The following SAMD12 variants were observed in gnomAD, a reference collection of about 807,000 sequenced individuals.
The protein encoded by SAMD12 is sterile alpha motif domain-containing protein 12.
Under a neutral mutation model 15.0 loss-of-function variants are expected in SAMD12, and 9 were observed. The observed-to-expected ratio is 0.60, with a 90% CI of 0.36 to 1.05. SAMD12 has a LOEUF of 1.05. SAMD12 is among the 50% of genes least tolerant of loss of function. The probability of loss-of-function intolerance (pLI) is 0.01; values close to 1 mark genes in which losing one functional copy is unlikely to be tolerated. For synonymous variants in SAMD12, 86 were observed against 90.1 expected (o/e 0.96, Z 0.25); for missense variants, 230 against 234.2 (o/e 0.98, Z 0.12).
At chr8:118,419,890 C>T (rs1188872351) in intron 3 of SAMD12, among the ~76,000 whole-genome samples, 2 of 152,152 alleles carry the variant, frequency 1.3e-5, no homozygotes, top group African/African-American at 4.8e-5. Flanking sequence ...CTAATGTCCT[C>T]CTGTCTATGT....
chr8:118,480,412 A>G (rs60663612), intron 2 of SAMD12, among the ~76,000 whole-genome samples: 4,879 of 152,338 alleles, frequency 0.032, 207 homozygotes, highest in African/African-American at 0.097. Flanking sequence ...CAAATATTGT[A>G]GTGTAAGTTG....
At chr8:118,572,539 G>T (rs1052919641) in intron 2 of SAMD12, among the ~76,000 whole-genome samples, 1 of 152,070 alleles carries the variant, frequency 6.6e-6, no homozygotes, top group Admixed American at 6.6e-5. Flanking sequence ...TGAATCATGG[G>T]GGCAAATCTT....
chr8:118,443,477 C>CA (rs5894434), intron 2 of SAMD12, among the ~76,000 whole-genome samples: 4,161 of 144,322 alleles, frequency 0.029, 171 homozygotes, highest in African/African-American at 0.098. Flanking sequence ...AACACTGTCT[C>CA]AAAAAAAAAA....
intron 4 of SAMD12, among the ~76,000 whole-genome samples, chr8:118,253,356 T>A (rs1812862002): frequency 6.6e-6 from 1 of 152,200 alleles, no homozygotes; most frequent in Non-Finnish European, 1.5e-5. Flanking sequence ...ATAGGGGCAA[T>A]ACATATTCTA....
At chr8:118,435,095 T>C (rs1563858417) in intron 3 of SAMD12, among the ~76,000 whole-genome samples, 1 of 141,552 alleles carries the variant, frequency 7.1e-6, no homozygotes. Context: ...AGAGTGAGAC[T>C]CCATCTCAAA....
the SAMD12 span, among the ~76,000 whole-genome samples, chr8:118,143,123 G>A: frequency 1.3e-5 from 2 of 152,104 alleles, no homozygotes; most frequent in Non-Finnish European, 2.9e-5. Context: ...TGACTTCTGA[G>A]TTGTGATTTC....
intron 3 of SAMD12, among the ~76,000 whole-genome samples, chr8:118,395,752 A>G (rs1433419975): frequency 1.3e-5 from 2 of 152,026 alleles, no homozygotes; most frequent in African/African-American, 4.8e-5. Flanking sequence ...AGGTCTGGAG[A>G]TTGAGACCAT....
chr8:118,200,824 T>C (rs1489816755), intron 4 of SAMD12, among the ~76,000 whole-genome samples: 1 of 152,174 alleles, frequency 6.6e-6, no homozygotes, highest in Non-Finnish European at 1.5e-5. Context: ...CTTCTTCCTA[T>C]TATTATTTTT....
At chr8:118,396,948 G>A (rs967318827) in intron 3 of SAMD12, among the ~76,000 whole-genome samples, 2 of 152,292 alleles carry the variant, frequency 1.3e-5, no homozygotes, top group South Asian at 2.1e-4. Context: ...CAAGACAGAA[G>A]TTGCCAAGGG....
intron 4 of SAMD12, among the ~76,000 whole-genome samples, chr8:118,213,009 T>A (rs1190883841): frequency 6.6e-6 from 1 of 152,182 alleles, no homozygotes; most frequent in Non-Finnish European, 1.5e-5. Flanking sequence ...AGAATGAGAA[T>A]ACGATGAAGC....
chr8:118,182,958 G>A, the SAMD12 span, among the ~76,000 whole-genome samples: 1 of 152,162 alleles, frequency 6.6e-6, no homozygotes, highest in African/African-American at 2.4e-5. Context: ...TTATGCAATA[G>A]CAATATCTTT....
intron 3 of SAMD12, among the ~76,000 whole-genome samples, chr8:118,435,999 T>C (rs912641787): frequency 3.3e-5 from 5 of 152,206 alleles, no homozygotes; most frequent in African/African-American, 4.8e-5. Flanking sequence ...AGAAGTTACA[T>C]GTCAATGGAG....
At chr8:118,200,207 C>T (rs1819675269) in intron 4 of SAMD12, among the ~76,000 whole-genome samples, 1 of 152,032 alleles carries the variant, frequency 6.6e-6, no homozygotes, top group African/African-American at 2.4e-5. Flanking sequence ...ATAATTTACC[C>T]AGTCTGGTAT....
intron 1 of SAMD12, among the ~76,000 whole-genome samples, chr8:118,613,936 AT>A (rs1394950705): frequency 6.6e-6 from 1 of 152,180 alleles, no homozygotes; most frequent in Non-Finnish European, 1.5e-5. Context: ...TAATCATAAC[AT>A]TTACTTCCCT....
At chr8:118,271,605 T>C (rs1442559244) in intron 4 of SAMD12, among the ~76,000 whole-genome samples, 1 of 152,192 alleles carries the variant, frequency 6.6e-6, no homozygotes, top group African/African-American at 2.4e-5. Flanking sequence ...CTTCCACCTA[T>C]GAGCCTGTAA....
the SAMD12 span, among the ~76,000 whole-genome samples, chr8:118,134,135 A>G: frequency 9.2e-5 from 14 of 152,212 alleles, no homozygotes; most frequent in Admixed American, 3.3e-4. Flanking sequence ...AAGATGGGAA[A>G]TGTTAGCTTT....
chr8:118,283,835 G>C (rs1378416439), intron 4 of SAMD12, among the ~76,000 whole-genome samples: 1 of 152,190 alleles, frequency 6.6e-6, no homozygotes, highest in Non-Finnish European at 1.5e-5. Flanking sequence ...ACTTGGGCTT[G>C]AAGAGTAAGG....
chr8:118,428,338 A>C lies in SAMD12; in HGVS notation c.322+11494T>G, dbSNP rs188037165. On this transcript the variant is annotated intron_variant, in intron 3 of 3. Coordinates refer to ENST00000314727, the MANE Select transcript of SAMD12 (RefSeq NM_207506.3). ...CCCAGCTACATGTGAGGTTGGGGCCATGGGATCTTTTGTGCCAAGAGCTCA... is the reference window on the plus strand; with the variant it reads ...CCCAGCTACATGTGAGGTTGGGGCCCTGGGATCTTTTGTGCCAAGAGCTCA... 3.6e-3 allele frequency among the ~76,000 whole-genome samples: 546 copies of C among 152,194 alleles called. 3 individuals carry two copies. The highest frequency in any genetic ancestry group is 0.027 in the Middle Eastern group (8 of 294).
chr8:118,362,328 A>T (rs1185437930), intron 4 of SAMD12, among the ~76,000 whole-genome samples: 1 of 152,198 alleles, frequency 6.6e-6, no homozygotes, highest in Non-Finnish European at 1.5e-5. Context: ...GAATTAATTT[A>T]AAAAATATAT....
Sources: gnomAD v4.1 joint callset for allele counts (sites outside exome capture counted in the v4.1 genomes callset) on GRCh38, gnomAD v4.1.1 for gene constraint, MANE v1.5 for transcripts, NCBI Gene and HGNC (gene_info 2026-07-23, HGNC 2026-07-21) for gene names.